RNF212B: variants seen among roughly 807,000 people sequenced by gnomAD.
RNF212B encodes E3 ubiquitin-protein ligase RNF212B.
RNF212B carries 52 observed loss-of-function variants against 55.5 expected under a neutral mutation model. The ratio of observed to expected loss-of-function variants is 0.94; its 90% CI spans 0.75 to 1.18. The LOEUF (loss-of-function observed/expected upper bound fraction) is 1.18, where lower values mean the gene tolerates loss of function less well. Ranked by LOEUF, RNF212B falls within the 50% of genes most tolerant of loss-of-function variation. The pLI is 0.00. For synonymous variants in RNF212B, 99 were observed against 121.4 expected, an observed-to-expected ratio of 0.82 and a Z score of 1.21; for missense variants, 289 against 350.4, an observed-to-expected ratio of 0.82 and a Z score of 1.40.
chr14:23,200,899 G>C (rs1364702600), intron 2 of RNF212B, among the ~76,000 whole-genome samples: 1 of 152,138 alleles, frequency 6.6e-6, no homozygotes, highest in African/African-American at 2.4e-5. Context: ...TTGCACTTAT[G>C]CAACTAACTG....
intron 2 of RNF212B, among the ~76,000 whole-genome samples, chr14:23,196,267 A>G (rs1878675215): frequency 6.6e-6 from 1 of 151,994 alleles, no homozygotes; most frequent in African/African-American, 2.4e-5. Flanking sequence ...TCTCTCTGTC[A>G]TTATTCTTTC....
chr14:23,193,006 C>T (rs1431384868), intron 1 of RNF212B, among the ~76,000 whole-genome samples: 3 of 149,672 alleles, frequency 2.0e-5, no homozygotes, highest in African/African-American at 4.9e-5. Flanking sequence ...GCAGGAGAAT[C>T]GCTTGAACCT....
At chr14:23,224,624 A>C (rs1251126016) in intron 2 of RNF212B, among the ~76,000 whole-genome samples, 1 of 152,220 alleles carries the variant, frequency 6.6e-6, no homozygotes, top group Non-Finnish European at 1.5e-5. Flanking sequence ...AAATAATTGA[A>C]TCTAAGACCT....
chr14:23,225,357 C>T lies in RNF212B; in HGVS notation c.-1-14988C>T, dbSNP rs1235113327. On this transcript the variant is annotated intron_variant, in intron 2 of 15. Transcript: ENST00000399910. ...TATATCAAAGAGATATCTGCACTCCCTTGTGTGTTGCAGCACTGTTCACAA... is the reference window on the plus strand; with the variant it reads ...TATATCAAAGAGATATCTGCACTCCTTTGTGTGTTGCAGCACTGTTCACAA... Among the ~76,000 whole-genome samples, 29 of 152,306 alleles carry T rather than the reference C, an allele frequency of 1.9e-4. 1 individual carries two copies. The highest frequency in any genetic ancestry group is 3.8e-4 in the Non-Finnish European group (26 of 68,032).
At chr14:23,246,071 A>T (rs1279521363) in intron 4 of RNF212B, among the ~76,000 whole-genome samples, 1 of 151,836 alleles carries the variant, frequency 6.6e-6, no homozygotes, top group South Asian at 2.1e-4. Flanking sequence ...ACTCACCTCA[A>T]GATAATCTTT....
chr14:23,229,251 T>TATATAC, intron 2 of RNF212B, among the ~76,000 whole-genome samples: 1 of 133,710 alleles, frequency 7.5e-6, no homozygotes, highest in East Asian at 2.3e-4. Flanking sequence ...TATATATATA[T>TATATAC]ATATATATAT....
chr14:23,273,026 C>T lies in RNF212B; in HGVS notation c.*135C>T. 2 of 552,438 alleles carry T rather than the reference C, an allele frequency of 3.6e-6. No homozygotes were observed. Among genetic ancestry groups the T allele is most frequent in the South Asian group, 2.4e-5 (1 of 41,878 alleles). The allele number at this position is 552,438 out of a possible 1,614,324, so 34.2% of individuals were successfully genotyped here. On this transcript the variant is annotated 3_prime_UTR_variant, in exon 15 of 15. Transcript: ENST00000430154. ...TTCACTCTGTACCTTATGCTCCCCC[C>T]ATCTTTACCCTATTCACCCTTATCA... is the stretch of plus-strand genomic sequence containing the variant.
At chr14:23,228,238 A>T (rs1882214103) in intron 2 of RNF212B, among the ~76,000 whole-genome samples, 1 of 152,016 alleles carries the variant, frequency 6.6e-6, no homozygotes, top group African/African-American at 2.4e-5. Flanking sequence ...GTCTAAAAAA[A>T]AAACTCATCA....
At chr14:23,242,553 C>T (rs1230488180) in intron 2 of RNF212B, among the ~76,000 whole-genome samples, 1 of 152,174 alleles carries the variant, frequency 6.6e-6, no homozygotes, top group Non-Finnish European at 1.5e-5. Context: ...AAAAGAGTAA[C>T]TTAAAGTTAA....
intron 11 of RNF212B, among the ~76,000 whole-genome samples, chr14:23,268,221 G>A (rs1315631261): frequency 1.3e-5 from 2 of 152,154 alleles, no homozygotes; most frequent in African/African-American, 4.8e-5. Context: ...CACTAGACAG[G>A]TCAAATAATG....
chr14:23,189,486 G>A (rs1202067107), intron 1 of RNF212B, among the ~76,000 whole-genome samples: 1 of 152,066 alleles, frequency 6.6e-6, no homozygotes, highest in Non-Finnish European at 1.5e-5. Context: ...TCAGCATACA[G>A]ATGTGCTGTA....
intron 1 of RNF212B, chr14:23,193,235 T>C (rs1007368488): frequency 1.3e-5 from 2 of 151,940 alleles, no homozygotes; most frequent in Non-Finnish European, 2.9e-5. Context: ...AAATTATACA[T>C]AGCCAAAGTA....
At position 23,244,318 on chromosome 14, in the gene RNF212B, G is replaced by A. The variant is rs771528628; in HGVS notation, c.154-4G>A. On this transcript the variant is annotated splice_polypyrimidine_tract_variant and splice_region_variant and intron_variant, in intron 3 of 14. Coordinates refer to ENST00000430154, the MANE Select transcript of RNF212B (RefSeq NM_001282322.3). Reference sequence around the variant, plus strand: ...TCTCACAGTGTGTATTGCTCTCTTCGTAGCTGAAGCCTCAGGAGAAGATGT... The same window carrying A: ...TCTCACAGTGTGTATTGCTCTCTTCATAGCTGAAGCCTCAGGAGAAGATGT... 138 of 1,529,538 alleles carry A rather than the reference G, an allele frequency of 9.0e-5. No homozygotes were observed. The African/African-American group carries it at 1.1e-3, about 12-fold the overall frequency. The allele number at this position is 1,529,538 out of a possible 1,614,324, so 94.7% of individuals were successfully genotyped here.
intron 2 of RNF212B, among the ~76,000 whole-genome samples, chr14:23,224,045 A>G (rs901744207): frequency 1.3e-5 from 2 of 152,208 alleles, no homozygotes; most frequent in Non-Finnish European, 1.5e-5. Context: ...AAAGATCTCT[A>G]TGAAGAAAAC....
At chr14:23,271,387 G>A (rs1454412220) in intron 14 of RNF212B, among the ~76,000 whole-genome samples, 1 of 151,526 alleles carries the variant, frequency 6.6e-6, no homozygotes, top group Non-Finnish European at 1.5e-5. Flanking sequence ...AGCTTGCAGT[G>A]AGCCGAGATT....
intron 4 of RNF212B, among the ~76,000 whole-genome samples, chr14:23,246,387 T>C (rs1325791112): frequency 2.0e-5 from 3 of 152,160 alleles, no homozygotes; most frequent in Non-Finnish European, 4.4e-5. Flanking sequence ...TTAATGTATA[T>C]GAAATACAGT....
intron 4 of RNF212B, among the ~76,000 whole-genome samples, chr14:23,254,290 AACAAAAC>A (rs1566431904): frequency 1.4e-5 from 1 of 73,054 alleles, no homozygotes; most frequent in African/African-American, 4.0e-5. Context: ...TTATCTCAAA[AACAAAAC>A]AAAACAAAAC....
chr14:23,216,305 CATT>C (rs1342347463), intron 2 of RNF212B, among the ~76,000 whole-genome samples: 2 of 151,844 alleles, frequency 1.3e-5, no homozygotes, highest in Non-Finnish European at 2.9e-5. Flanking sequence ...CATTCCAAAA[CATT>C]ATAAATAAAT....
At chr14:23,223,573 T>G (rs988779197) in intron 2 of RNF212B, among the ~76,000 whole-genome samples, 5 of 152,158 alleles carry the variant, frequency 3.3e-5, no homozygotes, top group Non-Finnish European at 1.5e-5. Flanking sequence ...GCCAGGATGG[T>G]CTCGATCTCC....
Sources: allele counts gnomAD v4.1 joint callset (sites outside exome capture counted in the v4.1 genomes callset), GRCh38; gene constraint gnomAD v4.1.1; transcripts MANE v1.5; gene names NCBI Gene and HGNC (gene_info 2026-07-23, HGNC 2026-07-21).